WT1: variants seen among roughly 807,000 people sequenced by gnomAD.
WT1 encodes WT1 transcription factor, also known as Wilms tumor protein.
In WT1, 8 loss-of-function variants were observed where a neutral mutation model predicts 60.8. The observed-to-expected ratio is 0.13, with a 90% CI of 0.08 to 0.24. The LOEUF is 0.24. Among genes scored for constraint, WT1 ranks in the 10% least tolerant of loss-of-function variants. The probability of loss-of-function intolerance (pLI) is 1.00; values close to 1 mark genes in which losing one functional copy is unlikely to be tolerated. For missense variants in WT1, 568 were observed against 711.8 expected (o/e 0.80, Z 2.30); for synonymous variants, 312 against 297.1 (o/e 1.05, Z -0.52).
rs1851870938 is a variant in WT1 at position 32,393,289 on chromosome 11, T to C, written c.1265-534A>G. 2.0e-5 allele frequency among the ~76,000 whole-genome samples: 3 copies of C among 152,252 alleles called. No homozygotes were observed. In the South Asian group the frequency reaches 6.2e-4, roughly 31 times the overall value. On this transcript the variant is annotated intron_variant, in intron 7 of 9. Coordinates refer to ENST00000452863, the MANE Select transcript of WT1 (RefSeq NM_024426.6). ...CTTGCATCAAGCAAATATGACTCCA[T>C]GGTTGTGAGACCCTCAAAACACACC... is the stretch of plus-strand genomic sequence containing the variant.
intron 7 of WT1, among the ~76,000 whole-genome samples, chr11:32,393,273 A>G (rs1403667009): frequency 6.6e-6 from 1 of 152,246 alleles, no homozygotes; most frequent in Non-Finnish European, 1.5e-5. Context: ...TCTTGCATCA[A>G]GCAAATATGA....
At chr11:32,403,223 A>G (rs947284629) in intron 5 of WT1, among the ~76,000 whole-genome samples, 2 of 152,128 alleles carry the variant, frequency 1.3e-5, no homozygotes, top group African/African-American at 2.4e-5. Flanking sequence ...CACCAATGCA[A>G]TTCCACACTG....
intron 5 of WT1, among the ~76,000 whole-genome samples, chr11:32,409,895 T>C (rs914462273): frequency 2.9e-5 from 4 of 138,768 alleles, no homozygotes; most frequent in African/African-American, 7.4e-5. Context: ...CCATTGACCA[T>C]TTTTTTCCTC....
chr11:32,396,086 T>C (rs921619565), intron 7 of WT1, among the ~76,000 whole-genome samples, 171 bp downstream of exon 7: 9 of 152,200 alleles, frequency 5.9e-5, no homozygotes, highest in African/African-American at 2.2e-4. Flanking sequence ...AAAGGATAGA[T>C]AATCAGAATG....
At chr11:32,405,633 A>T (rs1852285879) in intron 5 of WT1, among the ~76,000 whole-genome samples, 1 of 123,082 alleles carries the variant, frequency 8.1e-6, no homozygotes, top group Non-Finnish European at 1.6e-5. Flanking sequence ...TACACAAATG[A>T]CAACTTCCTC....
chr11:32,432,672 C>G (rs1368588075), intron 1 of WT1, among the ~76,000 whole-genome samples: 2 of 152,152 alleles, frequency 1.3e-5, no homozygotes, highest in Non-Finnish European at 2.9e-5. Context: ...GGCAGCCACG[C>G]CTGTATATTA....
Position 32,416,505 on chromosome 11 carries a change from G to A in WT1, c.1001C>T (p.Thr334Ile), listed in dbSNP as rs1284512465. ...GTCCACTCACTTGCTCTGCCCTTCT[G>A]TCCATTTCACTGAGCTGGAGCTCCC... The change falls in exon 5 of 10, where the codon ACA (threonine) becomes ATA (isoleucine). Residue 334 changes from threonine to isoleucine, a missense_variant. Physicochemically the swap from Thr to Ile is moderately conservative, Grantham distance 89 (BLOSUM62 -1). Transcript: ENST00000452863. 6.2e-7 allele frequency: 1 copy of A among 1,614,086 alleles called. No homozygotes were observed. Among genetic ancestry groups the A allele is most frequent in the Non-Finnish European group, 8.5e-7 (1 of 1,180,012 alleles).
chr11:32,411,197 T>C (rs1208311475), intron 5 of WT1, among the ~76,000 whole-genome samples: 1 of 152,170 alleles, frequency 6.6e-6, no homozygotes, highest in Admixed American at 6.6e-5. Context: ...CTTTCCTATC[T>C]TTCCTATTCA....
chr11:32,417,885 A>C (rs571671340), intron 3 of WT1, among the ~76,000 whole-genome samples: 256 of 152,204 alleles, frequency 1.7e-3, no homozygotes, highest in Non-Finnish European at 3.1e-3. Flanking sequence ...AGCATTTTTT[A>C]AAACCTTTGT....
intron 1 of WT1, chr11:32,430,583 C>T: frequency 6.2e-7 from 1 of 1,605,680 alleles, no homozygotes; most frequent in African/African-American, 1.3e-5. Context: ...ACTGCACAAT[C>T]CTCAGAGCCC....
intron 1 of WT1, among the ~76,000 whole-genome samples, chr11:32,430,119 G>A (rs1424391927): frequency 6.6e-6 from 1 of 152,078 alleles, no homozygotes; most frequent in Admixed American, 6.5e-5. Flanking sequence ...CCAGGCTTAA[G>A]TCTCACACAC....
chr11:32,409,559 A>G (rs924431013), intron 5 of WT1, among the ~76,000 whole-genome samples: 19 of 152,018 alleles, frequency 1.2e-4, no homozygotes, highest in African/African-American at 4.6e-4. Context: ...CCTGGGCCCA[A>G]GCACTCCTCC....
intron 5 of WT1, among the ~76,000 whole-genome samples, chr11:32,405,262 C>T (rs1043211663): frequency 6.6e-6 from 1 of 152,064 alleles, no homozygotes; most frequent in Non-Finnish European, 1.5e-5. Flanking sequence ...ACAATGTGAA[C>T]CCAGCATTGC....
Position 32,430,694 on chromosome 11 carries a change from GC to G in WT1, c.662-2076del, listed in dbSNP as rs76500597. 237,863 of 1,423,164 alleles carry G rather than the reference GC, an allele frequency of 0.17. 27,305 individuals are homozygous for G. The highest frequency in any genetic ancestry group is 0.66 in the East Asian group (26,138 of 39,454). The allele number at this position is 1,423,164 out of a possible 1,614,324, so 88.2% of individuals were successfully genotyped here. On this transcript the variant is annotated intron_variant, in intron 1 of 9. Transcript: ENST00000452863. ...CACCCCAGAACTCGGGCCCAAGGAT[GC>G]CCGTGGCCCGCGAGCCCTCCTAGGC... is the stretch of plus-strand genomic sequence containing the variant.
At chr11:32,391,280 T>C (rs1851809651) in intron 9 of WT1, among the ~76,000 whole-genome samples, 1 of 152,302 alleles carries the variant, frequency 6.6e-6, no homozygotes, top group Middle Eastern at 3.4e-3. Flanking sequence ...CCACAGCCGG[T>C]CCTACCTTAC....
intron 1 of WT1, among the ~76,000 whole-genome samples, chr11:32,429,197 G>C (rs539564307): frequency 6.6e-6 from 1 of 152,324 alleles, no homozygotes; most frequent in Non-Finnish European, 1.5e-5. Context: ...TGACACCCAA[G>C]GGAAAGCTGG....
intron 3 of WT1, among the ~76,000 whole-genome samples, chr11:32,424,697 A>AAT (rs1259115120): frequency 6.6e-6 from 1 of 152,182 alleles, no homozygotes; most frequent in East Asian, 1.9e-4. Context: ...AGCCACAACA[A>AAT]ATATATATGC....
chr11:32,407,560 T>G (rs1458026746), intron 5 of WT1, among the ~76,000 whole-genome samples: 1 of 152,062 alleles, frequency 6.6e-6, no homozygotes, highest in South Asian at 2.1e-4. Flanking sequence ...CTCCGTCTTC[T>G]CCCCTCTGCA....
At chr11:32,413,433 A>G (rs1852564094) in intron 5 of WT1, among the ~76,000 whole-genome samples, 2 of 152,236 alleles carry the variant, frequency 1.3e-5, no homozygotes, top group South Asian at 4.1e-4. Context: ...CAGTATCACA[A>G]AGAACAATGA....
Sources: allele counts gnomAD v4.1 joint callset (sites outside exome capture counted in the v4.1 genomes callset), GRCh38; gene constraint gnomAD v4.1.1; transcripts MANE v1.5; gene names NCBI Gene and HGNC (gene_info 2026-07-23, HGNC 2026-07-21).